Variants in GABRA3 observed in about 807,000 individuals in gnomAD.
GABRA3 encodes gamma-aminobutyric acid receptor subunit alpha-3.
Under a neutral mutation model 30.1 loss-of-function variants are expected in GABRA3, and 10 were observed. That is an observed-to-expected ratio of 0.33 (90% CI 0.20 to 0.56). The LOEUF is 0.56. Ranked by LOEUF, GABRA3 falls within the 20% of genes least tolerant of loss-of-function variation. The pLI, the probability that GABRA3 is intolerant of heterozygous loss-of-function variation, is 0.89. For synonymous variants in GABRA3, 151 were observed against 146.8 expected, an observed-to-expected ratio of 1.03 and a Z score of -0.21; for missense variants, 233 against 392.0, an observed-to-expected ratio of 0.59 and a Z score of 3.42.
At chrX:152,171,405 A>G (rs1937000130) in intron 9 of GABRA3, 1 of 672,381 alleles carries the variant, frequency 1.5e-6, no homozygotes. Context: ...CATTTTAATC[A>G]GCCACTACAA....
chrX:152,280,946 T>C (rs969342017), intron 4 of GABRA3, among the ~76,000 whole-genome samples: 2 of 111,189 alleles, frequency 1.8e-5, no homozygotes, highest in Non-Finnish European at 3.8e-5. Flanking sequence ...CTTGGTATAG[T>C]TCAGACAAAT....
intron 5 of GABRA3, among the ~76,000 whole-genome samples, chrX:152,227,143 CAAT>C (rs1173866500): frequency 9.1e-6 from 1 of 109,450 alleles, no homozygotes; most frequent in African/African-American, 3.3e-5. Context: ...AAATGCCCAA[CAAT>C]GATAGACTGG....
At chrX:152,396,235 A>ACCAGAAG (rs1476673179) in intron 1 of GABRA3, among the ~76,000 whole-genome samples, 2 of 112,044 alleles carry the variant, frequency 1.8e-5, no homozygotes, top group Admixed American at 9.5e-5. Flanking sequence ...ACTTGGGATT[A>ACCAGAAG]CCAGAAGCTG....
At chrX:152,408,287 C>A (rs962084848) in intron 1 of GABRA3, among the ~76,000 whole-genome samples, 1 of 111,190 alleles carries the variant, frequency 9.0e-6, no homozygotes, top group Non-Finnish European at 1.9e-5. Flanking sequence ...TCAAATTATC[C>A]TTTTTTGCAG....
chrX:152,445,211 C>T (rs9306738), intron 1 of GABRA3, among the ~76,000 whole-genome samples: 27,936 of 108,954 alleles, frequency 0.26, 3,077 homozygotes, highest in East Asian at 0.45. Flanking sequence ...GACATCAATA[C>T]GTTTAAAATC....
intron 9 of GABRA3, among the ~76,000 whole-genome samples, chrX:152,179,971 A>G (rs1417652704): frequency 8.9e-6 from 1 of 111,895 alleles, no homozygotes; most frequent in Non-Finnish European, 1.9e-5. Flanking sequence ...GTTTATAGAC[A>G]CTTAGGTTGA....
At chrX:152,173,163 C>T (rs1168686414) in intron 9 of GABRA3, among the ~76,000 whole-genome samples, 1 of 109,301 alleles carries the variant, frequency 9.1e-6, no homozygotes, top group African/African-American at 3.3e-5. Context: ...TTGGAACTGT[C>T]AGGTAAGTCA....
intron 1 of GABRA3, among the ~76,000 whole-genome samples, chrX:152,407,632 G>A (rs751833706): frequency 3.6e-5 from 4 of 111,513 alleles, no homozygotes; most frequent in Non-Finnish European, 5.7e-5. Flanking sequence ...CTTCACTGCC[G>A]AATTCTATCA....
At chrX:152,410,851 T>C (rs1266564277) in intron 1 of GABRA3, among the ~76,000 whole-genome samples, 3 of 111,208 alleles carry the variant, frequency 2.7e-5, no homozygotes, top group Non-Finnish European at 5.7e-5. Context: ...TAATAGAAAC[T>C]GTCCCTGGAC....
At chrX:152,369,425 GCTAGTCTCATCCCCTA>G (rs1928764202) in intron 1 of GABRA3, among the ~76,000 whole-genome samples, 1 of 110,566 alleles carries the variant, frequency 9.0e-6, no homozygotes, top group East Asian at 2.8e-4. Flanking sequence ...CAAATAGCTG[GCTAGTCTCATCCCCTA>G]CTACCCTCCC....
intron 3 of GABRA3, among the ~76,000 whole-genome samples, chrX:152,321,082 C>T (rs1939956760): frequency 8.9e-6 from 1 of 111,867 alleles, no homozygotes; most frequent in South Asian, 3.7e-4. Flanking sequence ...ATCTTCTCTG[C>T]TATAGACATT....
At chrX:152,444,887 C>A (rs1252673197) in intron 1 of GABRA3, among the ~76,000 whole-genome samples, 2 of 93,853 alleles carry the variant, frequency 2.1e-5, no homozygotes, top group Non-Finnish European at 4.2e-5. Context: ...CGGTGAAACC[C>A]CGTCTCTACT....
rs1468085769 is a variant in GABRA3 at position 152,195,110 on chromosome X, T to C, written c.931+2523A>G. The stretch of plus-strand genomic sequence containing the variant: ...GATATATTGGCTATTCTTGCTTTTT[T>C]TCTTACATAAACAATTCTGCAATCA... On this transcript the variant is annotated intron_variant, in intron 8 of 9. Transcript: ENST00000370314. 2.7e-5 allele frequency among the ~76,000 whole-genome samples: 3 copies of C among 112,223 alleles called. No individual in the cohort carries two copies. In the East Asian group the frequency reaches 8.4e-4, roughly 31 times the overall value.
At chrX:152,170,755 C>T (rs753131426) in intron 9 of GABRA3, among the ~76,000 whole-genome samples, 36 of 112,233 alleles carry the variant, frequency 3.2e-4, no homozygotes, top group Non-Finnish European at 5.4e-4. Flanking sequence ...TGCTCTCTTG[C>T]TTTGTCTGCT....
chrX:152,447,930 G>A (rs1237737628), intron 1 of GABRA3, among the ~76,000 whole-genome samples: 1 of 112,245 alleles, frequency 8.9e-6, no homozygotes, highest in Non-Finnish European at 1.9e-5. Context: ...CCAAAGTACA[G>A]AAGTCAAGAG....
intron 6 of GABRA3, among the ~76,000 whole-genome samples, chrX:152,222,718 T>C (rs1214383054): frequency 9.0e-6 from 1 of 110,840 alleles, no homozygotes; most frequent in Non-Finnish European, 1.9e-5. Context: ...TACTTTGCTA[T>C]ACAGAAAGTA....
chrX:152,167,859 T>C lies in GABRA3; in HGVS notation c.*369A>G, dbSNP rs1936955201. The C allele has an allele frequency of 1.6e-5, 3 of 189,937 alleles. No individual in the cohort carries two copies. The highest frequency in any genetic ancestry group is 3.8e-3 in the Middle Eastern group (2 of 529). 15.7% of individuals were successfully genotyped at this position (189,937 alleles called of 1,213,427 possible). ...GATGGGAGTCAACAATTCTCCTTGT[T>C]CTGGGCCTCTCAAACAGCCAAGGCT... On this transcript the variant is annotated 3_prime_UTR_variant, in exon 10 of 10. Coordinates refer to ENST00000370314, the MANE Select transcript of GABRA3 (RefSeq NM_000808.4).
At chrX:152,402,266 C>T (rs915495702) in intron 1 of GABRA3, among the ~76,000 whole-genome samples, 15 of 111,887 alleles carry the variant, frequency 1.3e-4, no homozygotes, top group African/African-American at 4.6e-4. Flanking sequence ...ACTGTGCCAA[C>T]GCCTTAAGCC....
chrX:152,280,618 T>C (rs1424482674), intron 4 of GABRA3, among the ~76,000 whole-genome samples: 1 of 111,856 alleles, frequency 8.9e-6, no homozygotes, highest in Non-Finnish European at 1.9e-5. Flanking sequence ...CTAGAATTAT[T>C]ACTATAATGT....
Sources: allele counts gnomAD v4.1 joint callset (sites outside exome capture counted in the v4.1 genomes callset), GRCh38; gene constraint gnomAD v4.1.1; transcripts MANE v1.5; gene names NCBI Gene and HGNC (gene_info 2026-07-23, HGNC 2026-07-21).